Variants in PIP5K1B observed in about 807,000 individuals in gnomAD.
PIP5K1B encodes phosphatidylinositol-4-phosphate 5-kinase type 1 beta.
PIP5K1B carries 42 observed loss-of-function variants against 67.0 expected under a neutral mutation model. The ratio of observed to expected loss-of-function variants is 0.63; its 90% confidence interval spans 0.49 to 0.81. The LOEUF (loss-of-function observed/expected upper bound fraction) is 0.81. Ranked by LOEUF, PIP5K1B falls within the 30% of genes least tolerant of loss-of-function variation. The probability of loss-of-function intolerance (pLI) is 0.00; values close to 1 mark genes in which losing one functional copy is unlikely to be tolerated. For missense variants in PIP5K1B, 459 were observed against 646.3 expected (o/e 0.71, Z 3.14); for synonymous variants, 214 against 231.4 (o/e 0.92, Z 0.68).
chr9:68,909,602 G>T (rs1825763419), intron 8 of PIP5K1B, among the ~76,000 whole-genome samples: 1 of 152,154 alleles, frequency 6.6e-6, no homozygotes, highest in Non-Finnish European at 1.5e-5. Flanking sequence ...ATTTGTTGAA[G>T]ATATTGGTTT....
intron 8 of PIP5K1B, among the ~76,000 whole-genome samples, chr9:68,910,694 C>T (rs910168816): frequency 6.6e-6 from 1 of 152,172 alleles, no homozygotes; most frequent in Non-Finnish European, 1.5e-5. Context: ...TAATAATGTG[C>T]TTGGGTCTTC....
At chr9:68,998,793 G>T (rs1475210278) in intron 15 of PIP5K1B, among the ~76,000 whole-genome samples, 1 of 152,142 alleles carries the variant, frequency 6.6e-6, no homozygotes, top group Non-Finnish European at 1.5e-5. Flanking sequence ...GGCTCTGAGG[G>T]GGAATGGGAA....
intron 14 of PIP5K1B, among the ~76,000 whole-genome samples, chr9:68,946,070 C>T (rs1827789663): frequency 6.6e-6 from 1 of 152,172 alleles, no homozygotes; most frequent in South Asian, 2.1e-4. Context: ...ACGTAATCAT[C>T]GAGAAAAGAC....
chr9:68,853,741 ACT>A (rs1822610485), intron 4 of PIP5K1B, among the ~76,000 whole-genome samples: 1 of 152,150 alleles, frequency 6.6e-6, no homozygotes, highest in Non-Finnish European at 1.5e-5. Flanking sequence ...ACAACAGGAA[ACT>A]ACCAGGCAGA....
At chr9:68,908,021 G>T (rs1825697474) in intron 8 of PIP5K1B, among the ~76,000 whole-genome samples, 1 of 152,184 alleles carries the variant, frequency 6.6e-6, no homozygotes, top group Non-Finnish European at 1.5e-5. Context: ...AGACAGTGGT[G>T]AGGGTTCCAG....
chr9:68,830,148 A>T (rs1834222260), intron 4 of PIP5K1B, among the ~76,000 whole-genome samples: 1 of 151,676 alleles, frequency 6.6e-6, no homozygotes, highest in Non-Finnish European at 1.5e-5. Context: ...AAAATAGTAA[A>T]CTGCTGTTGT....
At chr9:68,949,673 C>T (rs960455486) in intron 14 of PIP5K1B, among the ~76,000 whole-genome samples, 3 of 152,322 alleles carry the variant, frequency 2.0e-5, no homozygotes, top group Non-Finnish European at 2.9e-5. Context: ...AGAAAAAGTT[C>T]AGCTGAATTA....
intron 2 of PIP5K1B, among the ~76,000 whole-genome samples, chr9:68,799,786 G>A (rs1183259846): frequency 2.0e-5 from 3 of 152,132 alleles, no homozygotes; most frequent in African/African-American, 7.2e-5. Flanking sequence ...AAACTCCTAG[G>A]AGAAAAGCTA....
chr9:68,829,107 A>G (rs574710586), intron 4 of PIP5K1B, among the ~76,000 whole-genome samples: 1 of 152,352 alleles, frequency 6.6e-6, no homozygotes, highest in South Asian at 2.1e-4. Flanking sequence ...GGCTCAAAAA[A>G]TAAGTAAATA....
At chr9:68,815,425 A>G (rs900502489) in intron 2 of PIP5K1B, among the ~76,000 whole-genome samples, 1 of 152,130 alleles carries the variant, frequency 6.6e-6, no homozygotes, top group Non-Finnish European at 1.5e-5. Flanking sequence ...AAATATGTAT[A>G]TAATATAAAG....
chr9:68,771,111 T>G (rs1452854097), intron 2 of PIP5K1B, among the ~76,000 whole-genome samples: 1 of 152,150 alleles, frequency 6.6e-6, no homozygotes, highest in Non-Finnish European at 1.5e-5. Context: ...CTCTCTCGGA[T>G]GCCTTTTTCA....
intron 8 of PIP5K1B, among the ~76,000 whole-genome samples, chr9:68,913,682 C>T (rs545940952): frequency 6.6e-6 from 1 of 152,224 alleles, no homozygotes; most frequent in African/African-American, 2.4e-5. Context: ...GCCAGCTTTC[C>T]ACATATGGGG....
In PIP5K1B at chr9:68,794,331, C is replaced by T. The variant is rs1832166407; in HGVS notation, c.-85-24130C>T. On this transcript the variant is annotated intron_variant, in intron 2 of 15. Coordinates refer to ENST00000265382, the MANE Select transcript of PIP5K1B (RefSeq NM_003558.4). ...GGTATTAAGTGTTTCACAAGAAATA[C>T]TCCTTTACACGTATGTGATTATAGC... Among the ~76,000 whole-genome samples, 6 of 152,212 alleles carry T rather than the reference C, an allele frequency of 3.9e-5. No homozygotes were observed. In the South Asian group the frequency reaches 1.2e-3, roughly 32 times the overall value.
intron 2 of PIP5K1B, among the ~76,000 whole-genome samples, chr9:68,762,142 T>A (rs1172361906): frequency 6.6e-6 from 1 of 152,150 alleles, no homozygotes; most frequent in Non-Finnish European, 1.5e-5. Context: ...AAGCTGGTTA[T>A]GTGTAGAAGG....
intron 4 of PIP5K1B, among the ~76,000 whole-genome samples, chr9:68,856,313 C>T (rs532466980): frequency 1.3e-5 from 2 of 152,318 alleles, no homozygotes; most frequent in South Asian, 4.1e-4. Context: ...TGTCTTTCCT[C>T]ACCACACATA....
chr9:68,792,737 C>G (rs1422619314), intron 2 of PIP5K1B, among the ~76,000 whole-genome samples: 1 of 152,176 alleles, frequency 6.6e-6, no homozygotes, highest in Non-Finnish European at 1.5e-5. Flanking sequence ...CCTCGGCCTC[C>G]CAAAGTGCTG....
rs41288745 is a variant in PIP5K1B, at chr9:68,935,041, A to G, written c.1353A>G (p.Glu451=). ...GACAAAGTTTTAGCAGCCTTGATGA[A>G]GAAGGTAAAGATATGTAACTTTTTT... The part of the protein sequence containing the change: ...TEGQSFSSLD[E]EALGSRHRPD... The change falls in exon 13 of 16, where the codon GAA becomes GAG. Residue 451 remains glutamate (E), a synonymous_variant. Coordinates refer to ENST00000265382, the MANE Select transcript of PIP5K1B (RefSeq NM_003558.4). 30,028 of 1,612,036 alleles carry G rather than the reference A, an allele frequency of 0.019. 540 individuals carry two copies. Among genetic ancestry groups the G allele is most frequent in the African/African-American group, 0.08 (6,011 of 74,946 alleles).
chr9:68,863,660 A>T (rs1469328667), intron 4 of PIP5K1B, among the ~76,000 whole-genome samples, 177 bp from the exon 5 acceptor site: 1 of 152,222 alleles, frequency 6.6e-6, no homozygotes, highest in African/African-American at 2.4e-5. Context: ...AAAGAGCTTT[A>T]ATGTTTGGAA....
intron 4 of PIP5K1B, among the ~76,000 whole-genome samples, chr9:68,854,898 A>G (rs1482161809): frequency 1.3e-5 from 2 of 152,112 alleles, no homozygotes; most frequent in African/African-American, 2.4e-5. Context: ...TTTAAATTTT[A>G]TGATCTGTAT....
Sources: gnomAD v4.1 joint callset for allele counts (sites outside exome capture counted in the v4.1 genomes callset) on GRCh38, gnomAD v4.1.1 for gene constraint, MANE v1.5 for transcripts, NCBI Gene and HGNC (gene_info 2026-07-23, HGNC 2026-07-21) for gene names.